CCDC171: variants seen among roughly 807,000 people sequenced by gnomAD.
CCDC171 encodes coiled-coil domain containing 171, also known as coiled-coil domain-containing protein 171.
Under a neutral mutation model 168.2 loss-of-function variants are expected in CCDC171, and 177 were observed. That is an observed-to-expected ratio of 1.05 (90% CI 0.93 to 1.19). The LOEUF (loss-of-function observed/expected upper bound fraction) is 1.19, where lower values mean the gene tolerates loss of function less well. CCDC171 is among the 50% of genes most tolerant of loss of function. The probability of loss-of-function intolerance (pLI) is 0.00; values close to 1 mark genes in which losing one functional copy is unlikely to be tolerated. For synonymous variants in CCDC171, 687 were observed against 540.8 expected (o/e 1.27, Z -3.75); for missense variants, 1,991 against 1,539.0 (o/e 1.29, Z -4.91).
chr9:15,695,416 TC>T lies in CCDC171; in HGVS notation c.1318+80del, dbSNP rs1410956231. The T allele has an allele frequency of 1.1e-5, 11 of 998,596 alleles. No individual in the cohort carries two copies. The African/African-American group carries it at 1.7e-4, about 16-fold the overall frequency. 61.9% of individuals were successfully genotyped at this position (998,596 alleles called of 1,614,324 possible). On this transcript the variant is annotated intron_variant, in intron 11 of 25. Transcript: ENST00000380701. ...ACATTTTGGGAATTCTGCAGATGCC[TC>T]TTGTAGTCCCTCATCTCAACATGTT...
At chr9:15,916,922 C>T (rs1047623890) in intron 24 of CCDC171, among the ~76,000 whole-genome samples, 5 of 151,826 alleles carry the variant, frequency 3.3e-5, no homozygotes, top group African/African-American at 9.7e-5. Context: ...CAAAATAAGC[C>T]CCTGGGGCCA....
chr9:16,056,580 C>T (rs1206531443), intron 1 of CCDC171, among the ~76,000 whole-genome samples: 1 of 152,134 alleles, frequency 6.6e-6, no homozygotes, highest in Non-Finnish European at 1.5e-5. Flanking sequence ...CTCCGCCTCC[C>T]AGGTTCAAGC....
At chr9:15,806,908 G>T (rs1262654700) in intron 21 of CCDC171, among the ~76,000 whole-genome samples, 1 of 152,026 alleles carries the variant, frequency 6.6e-6, no homozygotes, top group East Asian at 1.9e-4. Flanking sequence ...TTTCTCAGAG[G>T]CTTTATTTGT....
chr9:16,092,759 A>G, the CCDC171 span, among the ~76,000 whole-genome samples: 1 of 152,048 alleles, frequency 6.6e-6, no homozygotes, highest in African/African-American at 2.4e-5. Context: ...GGCAAGATTC[A>G]CCCTACAAGA....
At chr9:15,946,918 T>A (rs901778252) in intron 25 of CCDC171, among the ~76,000 whole-genome samples, 33 of 152,026 alleles carry the variant, frequency 2.2e-4, no homozygotes, top group Admixed American at 1.6e-3. Flanking sequence ...ATAGCACTTT[T>A]ATATATAAAC....
At chr9:15,917,669 G>A (rs1211890294) in intron 24 of CCDC171, among the ~76,000 whole-genome samples, 5 of 151,654 alleles carry the variant, frequency 3.3e-5, no homozygotes, top group African/African-American at 1.2e-4. Flanking sequence ...CTTTTAGAAT[G>A]TCATAAAGAT....
intron 16 of CCDC171, among the ~76,000 whole-genome samples, chr9:15,733,992 C>G (rs2054320031): frequency 6.6e-6 from 1 of 152,068 alleles, no homozygotes; most frequent in Non-Finnish European, 1.5e-5. Context: ...CCAGGCTGGT[C>G]TCCAACTCCT....
At chr9:15,915,765 T>C (rs1460663606) in intron 24 of CCDC171, among the ~76,000 whole-genome samples, 1 of 152,208 alleles carries the variant, frequency 6.6e-6, no homozygotes, top group Non-Finnish European at 1.5e-5. Flanking sequence ...ATAGGCCCTT[T>C]ACTATGTTGA....
chr9:15,680,083 A>G (rs547105738), intron 10 of CCDC171, among the ~76,000 whole-genome samples: 2 of 152,244 alleles, frequency 1.3e-5, no homozygotes, highest in East Asian at 3.9e-4. Flanking sequence ...TTAGTTCAGC[A>G]TCTTTATCAT....
chr9:15,756,098 A>G (rs1159967259), intron 18 of CCDC171, among the ~76,000 whole-genome samples: 5 of 152,144 alleles, frequency 3.3e-5, no homozygotes, highest in Non-Finnish European at 5.9e-5. Flanking sequence ...CCTGAATCAC[A>G]TGGTTATTCC....
At chr9:15,567,177 G>C (rs980600843) in intron 2 of CCDC171, among the ~76,000 whole-genome samples, 2 of 152,000 alleles carry the variant, frequency 1.3e-5, no homozygotes, top group East Asian at 3.9e-4. Flanking sequence ...ACCTGCTACT[G>C]TGCCCAGCTA....
rs2059729586 is a variant in CCDC171, at chr9:15,820,549, G to A, written c.3268-26153G>A. On this transcript the variant is annotated intron_variant, in intron 21 of 25. Coordinates refer to ENST00000380701, the MANE Select transcript of CCDC171 (RefSeq NM_173550.4). ...GAAATACAAACTACCATCAGAGACT[G>A]CTATAAACACCTCTATGCAAATAAA... 1.7e-5 allele frequency among the ~76,000 whole-genome samples: 2 copies of A among 117,350 alleles called. 1 individual carries two copies. The highest frequency in any genetic ancestry group is 1.6e-4 in the Admixed American group (2 of 12,450). 77.0% of individuals were successfully genotyped at this position (117,350 alleles called of 152,430 possible). A position where few individuals can be genotyped will look rare whatever the true frequency, so the allele number is the denominator to read the frequency against.
At chr9:15,901,931 CTG>C (rs1821724922) in intron 24 of CCDC171, among the ~76,000 whole-genome samples, 1 of 152,106 alleles carries the variant, frequency 6.6e-6, no homozygotes, top group Admixed American at 6.5e-5. Flanking sequence ...AAAATCTTCT[CTG>C]TAAAGTTCAC....
intron 15 of CCDC171, 133 bp from the exon 16 acceptor site, chr9:15,729,477 T>C: frequency 2.0e-6 from 1 of 509,552 alleles, no homozygotes; most frequent in East Asian, 3.2e-5. Context: ...TTTATTTACA[T>C]TTTATGTTAA....
At chr9:15,617,369 T>C (rs2044157531) in intron 6 of CCDC171, among the ~76,000 whole-genome samples, 1 of 151,762 alleles carries the variant, frequency 6.6e-6, no homozygotes, top group African/African-American at 2.4e-5. Flanking sequence ...GATGGGCTTT[T>C]TGTGGGAGGG....
chr9:15,903,159 T>G (rs1821960645), intron 24 of CCDC171, among the ~76,000 whole-genome samples: 1 of 152,336 alleles, frequency 6.6e-6, no homozygotes, highest in African/African-American at 2.4e-5. Context: ...TAAATGTCCC[T>G]GTCTGACAGC....
chr9:15,956,433 G>A (rs140126654), intron 25 of CCDC171, among the ~76,000 whole-genome samples: 1 of 152,144 alleles, frequency 6.6e-6, no homozygotes, highest in African/African-American at 2.4e-5. Context: ...GTAACAAAGA[G>A]CCCTATCTTT....
chr9:15,676,623 T>A (rs1342869397), intron 9 of CCDC171, among the ~76,000 whole-genome samples: 1 of 152,172 alleles, frequency 6.6e-6, no homozygotes, highest in Non-Finnish European at 1.5e-5. Context: ...CTAATTCTCT[T>A]GTATTTTGGA....
intron 21 of CCDC171, among the ~76,000 whole-genome samples, chr9:15,844,452 G>C (rs1203917301): frequency 2.6e-5 from 4 of 151,944 alleles, no homozygotes; most frequent in African/African-American, 4.8e-5. Context: ...CACGGTTTAT[G>C]TCTTGGTGTT....
Sources: allele counts gnomAD v4.1 joint callset (sites outside exome capture counted in the v4.1 genomes callset), GRCh38; gene constraint gnomAD v4.1.1; transcripts MANE v1.5; gene names NCBI Gene and HGNC (gene_info 2026-07-23, HGNC 2026-07-21).